The following GALNT17 variants were observed in gnomAD, a reference collection of about 807,000 sequenced individuals.
GALNT17 encodes the protein polypeptide N-acetylgalactosaminyltransferase 17.
GALNT17 carries 29 observed loss-of-function variants against 63.7 expected under a neutral mutation model. That is an observed-to-expected ratio of 0.46 (90% CI 0.34 to 0.62). The LOEUF is 0.62. GALNT17 is among the 20% of genes least tolerant of loss of function. GALNT17 has a pLI of 0.01. For synonymous variants in GALNT17, 305 were observed against 318.3 expected (o/e 0.96, Z 0.45); for missense variants, 603 against 799.6 (o/e 0.75, Z 2.97).
At chr7:71,337,508 A>G (rs1791929380) in intron 2 of GALNT17, among the ~76,000 whole-genome samples, 1 of 152,184 alleles carries the variant, frequency 6.6e-6, no homozygotes, top group Non-Finnish European at 1.5e-5. Context: ...CTAGCATGTA[A>G]AAAATGCCAA....
intron 6 of GALNT17, among the ~76,000 whole-genome samples, chr7:71,623,869 T>G (rs1001798042): frequency 1.3e-5 from 2 of 152,142 alleles, no homozygotes. Flanking sequence ...CTTTGTCCCT[T>G]CACCAGACAA....
intron 5 of GALNT17, among the ~76,000 whole-genome samples, chr7:71,514,910 T>C (rs1335908699): frequency 6.6e-6 from 1 of 152,178 alleles, no homozygotes; most frequent in African/African-American, 2.4e-5. Flanking sequence ...TGGGAGATAA[T>C]TCAATCATGG....
intron 3 of GALNT17, among the ~76,000 whole-genome samples, chr7:71,399,522 C>A (rs1583919482): frequency 6.6e-6 from 1 of 152,220 alleles, no homozygotes; most frequent in Admixed American, 6.5e-5. Flanking sequence ...GTTGTCTTGT[C>A]TTGCATTTCC....
At chr7:71,406,954 G>GA (rs1203412097) in intron 3 of GALNT17, among the ~76,000 whole-genome samples, 2 of 152,068 alleles carry the variant, frequency 1.3e-5, no homozygotes, top group East Asian at 3.9e-4. Context: ...CTGAAAAAAA[G>GA]AAAAAAAGAG....
intron 5 of GALNT17, among the ~76,000 whole-genome samples, chr7:71,530,546 AT>A (rs1224603134): frequency 1.3e-3 from 38 of 28,686 alleles, no homozygotes; most frequent in African/African-American, 4.2e-3. Context: ...GAATTTATTT[AT>A]TTATTTATTT....
At chr7:71,320,831 A>C (rs1791592476) in intron 1 of GALNT17, among the ~76,000 whole-genome samples, 1 of 152,092 alleles carries the variant, frequency 6.6e-6, no homozygotes, top group Non-Finnish European at 1.5e-5. Context: ...TATCCTTCTG[A>C]TTTCATAATT....
At chr7:71,676,382 T>A (rs1791150370) in intron 8 of GALNT17, among the ~76,000 whole-genome samples, 1 of 149,202 alleles carries the variant, frequency 6.7e-6, no homozygotes, top group South Asian at 2.1e-4. Flanking sequence ...GCTTTTAGGT[T>A]TTTTTTTTCT....
Position 71,155,090 on chromosome 7 carries a change from A to G in GALNT17, c.238+22050A>G, listed in dbSNP as rs1485497936. Among the ~76,000 whole-genome samples, 3 of 151,730 alleles carry G rather than the reference A, an allele frequency of 2.0e-5. No individual in the cohort carries two copies. The East Asian group carries it at 5.8e-4, about 29-fold the overall frequency. On this transcript the variant is annotated intron_variant, in intron 1 of 10. Coordinates refer to ENST00000333538, the MANE Select transcript of GALNT17 (RefSeq NM_022479.3). ...AAGTTTCTGACAGTTGTCCTAAACCACCGAGCGTTGAGTTTATTTGGAAAT... is the reference window on the plus strand; with the variant it reads ...AAGTTTCTGACAGTTGTCCTAAACCGCCGAGCGTTGAGTTTATTTGGAAAT...
At chr7:71,599,818 G>A (rs1348778671) in intron 6 of GALNT17, among the ~76,000 whole-genome samples, 2 of 152,064 alleles carry the variant, frequency 1.3e-5, no homozygotes, top group East Asian at 3.9e-4. Context: ...TTGCACTGTT[G>A]ACAAATATGC....
At chr7:71,300,106 C>G (rs1467095661) in intron 1 of GALNT17, among the ~76,000 whole-genome samples, 3 of 152,154 alleles carry the variant, frequency 2.0e-5, no homozygotes, top group African/African-American at 7.2e-5. Flanking sequence ...CCTCATAATC[C>G]CGGCCTCTCA....
At chr7:71,526,309 T>G (rs1012339576) in intron 5 of GALNT17, among the ~76,000 whole-genome samples, 1 of 152,080 alleles carries the variant, frequency 6.6e-6, no homozygotes, top group African/African-American at 2.4e-5. Flanking sequence ...AAAAACCAAT[T>G]TCTTTTCCAG....
chr7:71,653,752 G>A (rs903468218), intron 6 of GALNT17, among the ~76,000 whole-genome samples: 3 of 152,132 alleles, frequency 2.0e-5, no homozygotes, highest in Admixed American at 2.0e-4. Context: ...CTAAGGTGGA[G>A]TCAAAGATTT....
At chr7:71,377,845 C>T (rs1342623370) in intron 2 of GALNT17, among the ~76,000 whole-genome samples, 1 of 152,176 alleles carries the variant, frequency 6.6e-6, no homozygotes, top group Admixed American at 6.6e-5. Context: ...CTCTCTCCTG[C>T]CGCCTTGTGA....
chr7:71,407,435 C>A (rs1782850693), intron 3 of GALNT17, among the ~76,000 whole-genome samples: 1 of 152,110 alleles, frequency 6.6e-6, no homozygotes, highest in South Asian at 2.1e-4. Flanking sequence ...AGACCTTCAG[C>A]AAGGTCAAGG....
chr7:71,184,639 G>T (rs1788798011), intron 1 of GALNT17, among the ~76,000 whole-genome samples: 1 of 152,062 alleles, frequency 6.6e-6, no homozygotes, highest in South Asian at 2.1e-4. Context: ...CTCCCAAGGT[G>T]GGAAATAGCT....
intron 5 of GALNT17, among the ~76,000 whole-genome samples, chr7:71,524,379 A>G (rs1788590349): frequency 6.6e-6 from 1 of 151,228 alleles, no homozygotes; most frequent in Admixed American, 6.6e-5. Flanking sequence ...AAATAGTTTT[A>G]CTTCTATTTT....
intron 6 of GALNT17, among the ~76,000 whole-genome samples, chr7:71,584,218 C>T (rs942935200): frequency 3.9e-5 from 6 of 152,064 alleles, no homozygotes; most frequent in African/African-American, 4.8e-5. Flanking sequence ...AATTTTCCCC[C>T]GAGTGGATGA....
At chr7:71,469,347 A>C (rs1787590397) in intron 5 of GALNT17, among the ~76,000 whole-genome samples, 1 of 152,250 alleles carries the variant, frequency 6.6e-6, no homozygotes. Flanking sequence ...GTGAATTAAC[A>C]GTATTCCTGT....
chr7:71,203,689 A>G (rs1215129022), intron 1 of GALNT17, among the ~76,000 whole-genome samples: 1 of 152,184 alleles, frequency 6.6e-6, no homozygotes, highest in Non-Finnish European at 1.5e-5. Context: ...ATCTGCTCAG[A>G]TTCGAGGGAG....
Sources: gnomAD v4.1 joint callset for allele counts (sites outside exome capture counted in the v4.1 genomes callset) on GRCh38, gnomAD v4.1.1 for gene constraint, MANE v1.5 for transcripts, NCBI Gene and HGNC (gene_info 2026-07-23, HGNC 2026-07-21) for gene names.